The following CCDC178 variants were observed in gnomAD, a reference collection of about 807,000 sequenced individuals.
The protein encoded by CCDC178 is coiled-coil domain containing 178.
In CCDC178, 126 loss-of-function variants were observed where a neutral mutation model predicts 117.4. The ratio of observed to expected loss-of-function variants is 1.07; its 90% CI spans 0.93 to 1.24. CCDC178 has a LOEUF of 1.24. Ranked by LOEUF, CCDC178 falls within the 50% of genes most tolerant of loss-of-function variation. The pLI is 0.00. For missense variants in CCDC178, 1,030 were observed against 986.9 expected (o/e 1.04, Z -0.59); for synonymous variants, 283 against 313.4 (o/e 0.90, Z 1.02).
chr18:33,120,016 C>A (rs1568000555), intron 20 of CCDC178, among the ~76,000 whole-genome samples: 1 of 151,744 alleles, frequency 6.6e-6, no homozygotes, highest in Non-Finnish European at 1.5e-5. Flanking sequence ...AGGGGAACAT[C>A]ACACACCGGG....
At chr18:33,396,315 A>C (rs2063635959) in intron 4 of CCDC178, among the ~76,000 whole-genome samples, 1 of 152,134 alleles carries the variant, frequency 6.6e-6, no homozygotes, top group African/African-American at 2.4e-5. Context: ...GGTAGGAAAA[A>C]AATGGAGCAA....
chr18:32,981,378 G>C (rs2055150738), intron 21 of CCDC178, among the ~76,000 whole-genome samples: 1 of 152,136 alleles, frequency 6.6e-6, no homozygotes, highest in Non-Finnish European at 1.5e-5. Flanking sequence ...GGCAGACTGA[G>C]GATTTTGAAT....
chr18:33,277,224 A>C (rs993223586), intron 12 of CCDC178, among the ~76,000 whole-genome samples: 1 of 152,164 alleles, frequency 6.6e-6, no homozygotes, highest in African/African-American at 2.4e-5. Context: ...ATGATGAGTA[A>C]CATAAATAAT....
intron 4 of CCDC178, among the ~76,000 whole-genome samples, chr18:33,394,979 ATATATATATG>A (rs1456265188): frequency 2.9e-5 from 4 of 136,976 alleles, no homozygotes; most frequent in African/African-American, 1.1e-4. Context: ...ATATATATAT[ATATATATATG>A]TATACATATA....
intron 21 of CCDC178, among the ~76,000 whole-genome samples, chr18:33,016,715 G>A (rs892328882): frequency 6.6e-6 from 1 of 151,876 alleles, no homozygotes; most frequent in African/African-American, 2.4e-5. Flanking sequence ...AAGCAAAGAT[G>A]TTACTTGTAT....
intron 20 of CCDC178, among the ~76,000 whole-genome samples, chr18:33,132,745 A>T (rs1057075102): frequency 1.3e-5 from 2 of 151,740 alleles, no homozygotes; most frequent in African/African-American, 4.8e-5. Flanking sequence ...CCATTAACAG[A>T]GTAATTCCAC....
chr18:32,948,217 T>G (rs2054398652), intron 22 of CCDC178, among the ~76,000 whole-genome samples: 1 of 152,132 alleles, frequency 6.6e-6, no homozygotes, highest in African/African-American at 2.4e-5. Context: ...TAAAACAAAC[T>G]TTTCAATTGT....
chr18:33,379,138 CCATATATATATA>C (rs2063402933), intron 5 of CCDC178, among the ~76,000 whole-genome samples: 1 of 120,702 alleles, frequency 8.3e-6, no homozygotes, highest in Admixed American at 9.1e-5. Flanking sequence ...ATATATATTT[CCATATATATATA>C]ATATATATAT....
chr18:33,238,434 A>C (rs10221307), intron 15 of CCDC178, among the ~76,000 whole-genome samples: 125,864 of 151,654 alleles, frequency 0.83, 53,042 homozygotes, highest in South Asian at 0.93. Context: ...AATGATAAAT[A>C]CAACAAAGAT....
At chr18:33,431,214 ACTTTT>A (rs1488164562) in intron 2 of CCDC178, among the ~76,000 whole-genome samples, 1 of 32,516 alleles carries the variant, frequency 3.1e-5, no homozygotes, top group Non-Finnish European at 6.7e-5. Context: ...TTTTTTTTTT[ACTTTT>A]AACAGTGGAG....
At chr18:33,279,990 A>G (rs2060001073) in intron 12 of CCDC178, among the ~76,000 whole-genome samples, 1 of 151,934 alleles carries the variant, frequency 6.6e-6, no homozygotes, top group Non-Finnish European at 1.5e-5. Context: ...ACCTAAAACC[A>G]TAAAAACCCT....
intron 7 of CCDC178, among the ~76,000 whole-genome samples, chr18:33,349,350 A>C (rs1313742205): frequency 6.6e-6 from 1 of 151,934 alleles, no homozygotes; most frequent in Non-Finnish European, 1.5e-5. Context: ...ATCAATGTAA[A>C]TTACAATGAG....
intron 11 of CCDC178, among the ~76,000 whole-genome samples, chr18:33,320,209 T>C (rs1374796213): frequency 6.6e-6 from 1 of 152,114 alleles, no homozygotes; most frequent in Non-Finnish European, 1.5e-5. Context: ...CTCTCACCAC[T>C]CCTGTTCAAC....
At chr18:33,057,622 G>T (rs1199234393) in intron 21 of CCDC178, among the ~76,000 whole-genome samples, 1 of 152,118 alleles carries the variant, frequency 6.6e-6, no homozygotes, top group East Asian at 1.9e-4. Context: ...CTCCTGAGTA[G>T]ATGGGATTAC....
At chr18:32,976,247 G>A (rs1209982605) in intron 21 of CCDC178, among the ~76,000 whole-genome samples, 1 of 152,030 alleles carries the variant, frequency 6.6e-6, no homozygotes, top group Non-Finnish European at 1.5e-5. Context: ...TTTAGTATTA[G>A]CCAAGCCTGA....
chr18:33,292,432 T>C (rs1467553003), intron 12 of CCDC178, among the ~76,000 whole-genome samples: 1 of 151,814 alleles, frequency 6.6e-6, no homozygotes, highest in Non-Finnish European at 1.5e-5. Context: ...GGGTAGGGGG[T>C]AGGGACATAG....
intron 21 of CCDC178, among the ~76,000 whole-genome samples, chr18:33,039,992 T>C (rs1455437641): frequency 1.3e-5 from 2 of 151,706 alleles, no homozygotes; most frequent in African/African-American, 4.8e-5. Flanking sequence ...CCAGGATTTA[T>C]AAAAAATTAC....
At position 33,389,577 on chromosome 18, in the gene CCDC178, A is replaced by G. The variant is rs142744083; in HGVS notation, c.171T>C (p.Ser57=). 2 of 1,527,520 alleles carry G rather than the reference A, an allele frequency of 1.3e-6. No homozygotes were observed. Among genetic ancestry groups the G allele is most frequent in the African/African-American group, 2.8e-5 (2 of 71,390 alleles). 94.6% of individuals were successfully genotyped at this position (1,527,520 alleles called of 1,614,324 possible). ...LVLYGASKEN[S]EGFHESKMTN... Reference sequence around the variant, plus strand: ...TCATTTTACTTTCATGAAAACCTTCACTGTTCTCCTTAGAGGCTCCATATA... The same window carrying G: ...TCATTTTACTTTCATGAAAACCTTCGCTGTTCTCCTTAGAGGCTCCATATA... Residue 57 remains serine, a synonymous_variant, in exon 5 of 23, where the codon AGT becomes AGC. Coordinates refer to ENST00000383096, the MANE Select transcript of CCDC178 (RefSeq NM_001105528.4).
chr18:33,269,851 G>A (rs1209156774), intron 12 of CCDC178, among the ~76,000 whole-genome samples: 1 of 151,510 alleles, frequency 6.6e-6, no homozygotes, highest in African/African-American at 2.4e-5. Context: ...GACATTCAAA[G>A]AATTAAGAAA....
Sources: allele counts gnomAD v4.1 joint callset (sites outside exome capture counted in the v4.1 genomes callset), GRCh38; gene constraint gnomAD v4.1.1; transcripts MANE v1.5; gene names NCBI Gene and HGNC (gene_info 2026-07-23, HGNC 2026-07-21).